The following FBXO34 variants were observed in gnomAD, a reference collection of about 807,000 sequenced individuals.
FBXO34 encodes F-box protein 34.
Under a neutral mutation model 24.5 loss-of-function variants are expected in FBXO34, and 12 were observed. That is an observed-to-expected ratio of 0.49 (90% CI 0.31 to 0.79). The LOEUF (loss-of-function observed/expected upper bound fraction) is 0.79, where lower values mean the gene tolerates loss of function less well. FBXO34 is among the 30% of genes least tolerant of loss of function. The pLI is 0.04. For synonymous variants in FBXO34, 320 were observed against 311.9 expected (o/e 1.03, Z -0.27); for missense variants, 823 against 857.7 (o/e 0.96, Z 0.51).
At chr14:55,437,008 G>A in the FBXO34 span, 1 of 1,613,876 alleles carries the variant, frequency 6.2e-7, no homozygotes, top group Admixed American at 1.7e-5. Context: ...CCTGGGTGGG[G>A]CAAGGCCATC....
chr14:55,395,843 T>C, the FBXO34 span: 1 of 911,106 alleles, frequency 1.1e-6, no homozygotes, highest in Non-Finnish European at 1.5e-6. Context: ...GACTGCTAAA[T>C]ACGATTTTTA....
intron 1 of FBXO34, among the ~76,000 whole-genome samples, chr14:55,326,317 A>G (rs1189129122): frequency 6.6e-6 from 1 of 152,190 alleles, no homozygotes; most frequent in Non-Finnish European, 1.5e-5. Context: ...GGGGGACTAG[A>G]TAATTAAATG....
rs1778943214 is a variant in FBXO34 at position 55,352,610 on chromosome 14, G to A, written c.*84G>A. On this transcript the variant is annotated 3_prime_UTR_variant, in exon 2 of 2. Coordinates refer to ENST00000313833, the MANE Select transcript of FBXO34 (RefSeq NM_017943.4). ...ACCGTTCAAATGAGCGTAGCCCCCTGAGTCATCACTCTAGAAGAATCTGTA... is the reference window on the plus strand; with the variant it reads ...ACCGTTCAAATGAGCGTAGCCCCCTAAGTCATCACTCTAGAAGAATCTGTA... 9.1e-7 allele frequency: 1 copy of A among 1,104,654 alleles called. No homozygotes were observed. Among genetic ancestry groups the A allele is most frequent in the East Asian group, 2.5e-5 (1 of 39,380 alleles). The allele number at this position is 1,104,654 out of a possible 1,614,324, so 68.4% of individuals were successfully genotyped here.
chr14:55,324,812 C>G, intron 1 of FBXO34, among the ~76,000 whole-genome samples: 1 of 152,126 alleles, frequency 6.6e-6, no homozygotes. Flanking sequence ...TCTGTTTGGG[C>G]TGCTATTATA....
At chr14:55,370,806 A>AATTTTTGT (rs1367170411), downstream of FBXO34, among the ~76,000 whole-genome samples, 1 of 151,868 alleles carries the variant, frequency 6.6e-6, no homozygotes, top group Non-Finnish European at 1.5e-5. Context: ...ATGCCCGGCT[A>AATTTTTGT]ATTTTTGTAT....
At chr14:55,275,698 C>A (rs1404460801) in intron 1 of FBXO34, among the ~76,000 whole-genome samples, 1 of 150,568 alleles carries the variant, frequency 6.6e-6, no homozygotes, top group Non-Finnish European at 1.5e-5. Context: ...GTGGCGGGTA[C>A]CTGTAGTCCC....
chr14:55,301,916 C>G (rs555337644), intron 1 of FBXO34, among the ~76,000 whole-genome samples: 3 of 152,298 alleles, frequency 2.0e-5, no homozygotes, highest in African/African-American at 7.2e-5. Context: ...TGGTGTCTGT[C>G]TGGCAGATAG....
intron 1 of FBXO34, among the ~76,000 whole-genome samples, chr14:55,307,720 A>G (rs1221254511): frequency 6.6e-6 from 1 of 152,220 alleles, no homozygotes; most frequent in African/African-American, 2.4e-5. Flanking sequence ...AAAAGTAAAT[A>G]TAATGCAGAA....
the FBXO34 span, among the ~76,000 whole-genome samples, chr14:55,404,678 T>C: frequency 3.3e-5 from 5 of 152,140 alleles, no homozygotes; most frequent in Non-Finnish European, 7.4e-5. Context: ...GTGCTGCCTC[T>C]CCAGGGTTAA....
intron 1 of FBXO34, among the ~76,000 whole-genome samples, chr14:55,300,805 C>G (rs756318264): frequency 3.9e-5 from 6 of 152,120 alleles, no homozygotes; most frequent in Admixed American, 6.6e-5. Flanking sequence ...CGGTCATTTT[C>G]CCACACAGTA....
chr14:55,276,557 G>A (rs1053704673), intron 1 of FBXO34, among the ~76,000 whole-genome samples: 1 of 152,040 alleles, frequency 6.6e-6, no homozygotes, highest in Non-Finnish European at 1.5e-5. Context: ...ATTAGCCGGC[G>A]ACCGAGAGAC....
At chr14:55,382,542 T>G in the FBXO34 span, among the ~76,000 whole-genome samples, 6 of 152,160 alleles carry the variant, frequency 3.9e-5, no homozygotes, top group African/African-American at 1.4e-4. Context: ...CAGGCTGGTC[T>G]TGAACTCCTG....
chr14:55,368,621 G>GCAA (rs998925777), downstream of FBXO34: 9 of 152,152 alleles, frequency 5.9e-5, no homozygotes, highest in Non-Finnish European at 1.0e-4. Context: ...TGTCCTCAGA[G>GCAA]CAACAAAGAG....
chr14:55,341,941 T>C (rs1884007257), intron 1 of FBXO34, among the ~76,000 whole-genome samples: 1 of 152,234 alleles, frequency 6.6e-6, no homozygotes, highest in Non-Finnish European at 1.5e-5. Context: ...GGCCCTTCTC[T>C]TCCCTCCCTA....
exon 3 of FBXO34, chr14:55,367,225 C>G (rs1305498311): frequency 9.9e-5 from 15 of 152,214 alleles, no homozygotes; most frequent in Admixed American, 9.2e-4. Flanking sequence ...AAGTCAGTCT[C>G]CACCACCAAG....
At chr14:55,383,588 CAAA>C in the FBXO34 span, among the ~76,000 whole-genome samples, 20 of 149,446 alleles carry the variant, frequency 1.3e-4, no homozygotes, top group African/African-American at 4.5e-4. Flanking sequence ...ACAACAACAA[CAAA>C]AAAAACCCCC....
chr14:55,348,147 C>A (rs1279702621), intron 1 of FBXO34, among the ~76,000 whole-genome samples: 4 of 152,094 alleles, frequency 2.6e-5, no homozygotes, highest in Non-Finnish European at 5.9e-5. Context: ...CTATAAATTG[C>A]CAAAGATCAG....
intron 1 of FBXO34, among the ~76,000 whole-genome samples, chr14:55,292,259 C>T (rs539673248): frequency 5.3e-5 from 8 of 151,818 alleles, no homozygotes; most frequent in Non-Finnish European, 1.2e-4. Flanking sequence ...TGTTAAGTGT[C>T]CTTAATTATA....
intron 1 of FBXO34, among the ~76,000 whole-genome samples, chr14:55,301,645 A>G (rs1882360330): frequency 2.6e-5 from 4 of 152,292 alleles, no homozygotes; most frequent in African/African-American, 4.8e-5. Context: ...TTCCTTTTCT[A>G]TAAGTATGTC....
Sources: allele counts gnomAD v4.1 joint callset (sites outside exome capture counted in the v4.1 genomes callset), GRCh38; gene constraint gnomAD v4.1.1; transcripts MANE v1.5; gene names NCBI Gene and HGNC (gene_info 2026-07-23, HGNC 2026-07-21).